RYK: variants seen among roughly 807,000 people sequenced by gnomAD.
The protein encoded by RYK is receptor like tyrosine kinase.
In RYK, 21 loss-of-function variants were observed where a neutral mutation model predicts 70.2. The observed-to-expected ratio is 0.30, with a 90% CI of 0.21 to 0.43. The LOEUF (loss-of-function observed/expected upper bound fraction) is 0.43. Among genes scored for constraint, RYK ranks in the 20% least tolerant of loss-of-function variants. RYK has a pLI of 1.00. For missense variants in RYK, 604 were observed against 753.3 expected (o/e 0.80, Z 2.32); for synonymous variants, 267 against 278.0 (o/e 0.96, Z 0.39).
intron 13 of RYK, among the ~76,000 whole-genome samples, chr3:134,161,426 G>A (rs1362223642): frequency 6.6e-6 from 1 of 152,114 alleles, no homozygotes; most frequent in African/African-American, 2.4e-5. Context: ...GATGATAGTA[G>A]CACATCCTCC....
At chr3:134,242,301 G>A (rs138800728) in intron 1 of RYK, among the ~76,000 whole-genome samples, 81 of 148,336 alleles carry the variant, frequency 5.5e-4, no homozygotes, top group Middle Eastern at 3.4e-3. Context: ...GCAAAACTCC[G>A]TCTCAAAAAA....
intron 1 of RYK, among the ~76,000 whole-genome samples, chr3:134,225,678 A>T (rs2014886060): frequency 6.6e-6 from 1 of 152,156 alleles, no homozygotes; most frequent in Admixed American, 6.5e-5. Flanking sequence ...ACACAGCAAC[A>T]ACCCATCTCT....
chr3:134,160,730 C>T (rs926660378), intron 13 of RYK, among the ~76,000 whole-genome samples: 3 of 152,174 alleles, frequency 2.0e-5, no homozygotes, highest in African/African-American at 7.2e-5. Flanking sequence ...TGGCGCATGC[C>T]TGTAATCCCA....
chr3:134,175,481 T>C (rs2013066105), intron 13 of RYK, 128 bp downstream of exon 13: 1 of 1,103,422 alleles, frequency 9.1e-7, no homozygotes, highest in Admixed American at 2.3e-5. Flanking sequence ...TACACTTGCT[T>C]TCTGGATAAA....
At chr3:134,208,410 A>T (rs376511834) in intron 4 of RYK, among the ~76,000 whole-genome samples, 1 of 152,222 alleles carries the variant, frequency 6.6e-6, no homozygotes, top group African/African-American at 2.4e-5. Context: ...CAATCTCCTT[A>T]TATCAAATAT....
In RYK at chr3:134,249,917, G is replaced by GTTTTTTTGTT. The variant is rs2015564368; in HGVS notation, c.232+505_232+506insAACAAAAAAA. On this transcript the variant is annotated intron_variant, in intron 1 of 14. Transcript: ENST00000623711. ...TATAACCTCCCCTTCTTTCTCTCTC[G>GTTTTTTTGTT]TTTTTTTTTTTTTTTTTTTTTTTTT... 4.9e-4 allele frequency among the ~76,000 whole-genome samples: 46 copies of GTTTTTTTGTT among 93,338 alleles called. 3 individuals carry two copies. The highest frequency in any genetic ancestry group is 2.3e-3 in the African/African-American group (43 of 18,906). The allele number at this position is 93,338 out of a possible 152,430, so 61.2% of individuals were successfully genotyped here.
In RYK at chr3:134,157,149, C is replaced by T. The variant is rs1005337499; in HGVS notation, c.*1004G>A. ...ATACTGTCATAATATAAAACAAATC[C>T]TTTAATTTTTCAAGTGTTTAAAAAA... On this transcript the variant is annotated 3_prime_UTR_variant, in exon 15 of 15. Transcript: ENST00000623711. 2 of 152,420 alleles carry T rather than the reference C, an allele frequency of 1.3e-5. No homozygotes were observed. Among genetic ancestry groups the T allele is most frequent in the African/African-American group, 4.8e-5 (2 of 41,400 alleles). 9.4% of individuals were successfully genotyped at this position (152,420 alleles called of 1,614,324 possible).
At chr3:134,223,372 T>C (rs1166870014) in intron 1 of RYK, among the ~76,000 whole-genome samples, 2 of 152,228 alleles carry the variant, frequency 1.3e-5, no homozygotes, top group African/African-American at 4.8e-5. Flanking sequence ...TATTTTTCTT[T>C]AAAACTTATT....
chr3:134,209,700 T>C lies in RYK; in HGVS notation c.584A>G (p.Tyr195Cys), dbSNP rs1227519319. The change falls in exon 4 of 15, where the codon TAC becomes TGC. Residue 195 changes from tyrosine (Y) to cysteine (C), a missense_variant. Tyr to Cys is a radical substitution (Grantham distance 194). Coordinates refer to ENST00000623711, the MANE Select transcript of RYK (RefSeq NM_002958.4). ...TTGGTAAATAAATTCCTTACTTTTG[T>C]AGCACATTTTCCTTCGTTTAAAATT... is the stretch of plus-strand genomic sequence containing the variant. Reference protein sequence around the residue: ...VLNFKRRKMCYKKLEEVKTSA... With the variant: ...VLNFKRRKMCCKKLEEVKTSA... The C allele has an allele frequency of 2.1e-6, 3 of 1,461,028 alleles. No individual in the cohort carries two copies. Among genetic ancestry groups the C allele is most frequent in the Non-Finnish European group, 2.7e-6 (3 of 1,098,536 alleles). 90.5% of individuals were successfully genotyped at this position (1,461,028 alleles called of 1,614,324 possible).
At position 134,250,548 on chromosome 3, in the gene RYK, A is replaced by C; in HGVS notation, c.107T>G (p.Leu36Trp). Residue 36 changes from leucine (L) to tryptophan (W), a missense_variant, in exon 1 of 15, where the codon TTG (leucine) becomes TGG (tryptophan). Leu to Trp is a moderately conservative substitution (Grantham distance 61). Around this residue, in one of 2 missense-constraint regions of RYK, gnomAD observed 466 missense variants for 535.9 expected, o/e 0.87. Transcript: ENST00000623711. ...PPPLLLLLAL[L>W]PLLPAPGAAA... is the part of the protein sequence containing the mutation. ...AGCGCCAGGCGCGGGCAGCAGCGGC[A>C]ACAGCGCAAGCAGAAGCAGCAGCGG... is the stretch of plus-strand genomic sequence containing the variant. The C allele has an allele frequency of 8.8e-7, 1 of 1,137,398 alleles. No individual in the cohort carries two copies. Among genetic ancestry groups the C allele is most frequent in the Non-Finnish European group, 1.1e-6 (1 of 910,642 alleles). 70.5% of individuals were successfully genotyped at this position (1,137,398 alleles called of 1,614,324 possible).
At chr3:134,221,923 T>C (rs551517726) in intron 2 of RYK, among the ~76,000 whole-genome samples, 1 of 152,286 alleles carries the variant, frequency 6.6e-6, no homozygotes, top group South Asian at 2.1e-4. Context: ...TCTTAAGTGA[T>C]TGGGTTTAGC....
rs1289475731 is a variant in RYK at position 134,176,012 on chromosome 3, T to C, written c.1333A>G (p.Met445Val). Residue 445 changes from methionine to valine, a missense_variant, in exon 12 of 15, where the codon ATG becomes GTG. Physicochemically the swap from Met to Val is conservative, Grantham distance 21. Around this residue, in one of 2 missense-constraint regions of RYK, gnomAD observed 138 missense variants for 217.4 expected, o/e 0.63. Transcript: ENST00000623711. ...ATTCCACAGGCAATCTGAATAGCCA[T>C]GTGTACCAGGTCTTGCTGAGAAATT... ...QAISQQDLVH[M>V]AIQIACGMSY... The C allele has an allele frequency of 6.9e-6, 11 of 1,604,442 alleles. No individual in the cohort carries two copies. The highest frequency in any genetic ancestry group is 2.2e-5 in the East Asian group (1 of 44,736).
intron 2 of RYK, among the ~76,000 whole-genome samples, chr3:134,217,687 G>A (rs1161545260): frequency 2.0e-5 from 3 of 152,110 alleles, no homozygotes; most frequent in South Asian, 2.1e-4. Context: ...ATATACACAC[G>A]AACTATTTCC....
Position 134,235,257 on chromosome 3 carries a change from T to C in RYK, c.233-12718A>G, listed in dbSNP as rs74323261. ...GAAAAAACAAGAACATGAAAAAAAA[T>C]TGAAAATACATTCATCAAAAATTGT... On this transcript the variant is annotated intron_variant, in intron 1 of 14. Coordinates refer to ENST00000623711, the MANE Select transcript of RYK (RefSeq NM_002958.4). Among the ~76,000 whole-genome samples, 269 of 152,206 alleles carry C rather than the reference T, an allele frequency of 1.8e-3. 1 individual carries two copies. Among genetic ancestry groups the C allele is most frequent in the African/African-American group, 6.0e-3 (249 of 41,554 alleles).
chr3:134,195,757 G>A (rs576174552), intron 6 of RYK, among the ~76,000 whole-genome samples: 3 of 152,290 alleles, frequency 2.0e-5, no homozygotes, highest in African/African-American at 4.8e-5. Context: ...CACCAGTATG[G>A]CCTACATGGT....
chr3:134,163,562 A>G (rs77172604), intron 13 of RYK, among the ~76,000 whole-genome samples: 13,857 of 152,244 alleles, frequency 0.091, 1,274 homozygotes, highest in South Asian at 0.32. Context: ...CCACTAAAAC[A>G]TATATGAATG....
At chr3:134,169,667 T>C (rs550172062) in intron 13 of RYK, among the ~76,000 whole-genome samples, 1 of 152,352 alleles carries the variant, frequency 6.6e-6, no homozygotes, top group African/African-American at 2.4e-5. Context: ...TGTATTATTT[T>C]CATGATGGAA....
intron 2 of RYK, among the ~76,000 whole-genome samples, chr3:134,219,270 C>T (rs933521414): frequency 9.2e-5 from 14 of 152,170 alleles, no homozygotes; most frequent in Non-Finnish European, 1.8e-4. Context: ...GCTCCTAAGA[C>T]TCAGACACCC....
At chr3:134,198,698 G>C (rs560638356) in intron 6 of RYK, among the ~76,000 whole-genome samples, 7 of 152,334 alleles carry the variant, frequency 4.6e-5, no homozygotes, top group African/African-American at 1.7e-4. Context: ...AAACCAGACA[G>C]AATGGTCATT....
Sources: gnomAD v4.1 joint callset for allele counts (sites outside exome capture counted in the v4.1 genomes callset) on GRCh38, gnomAD v4.1.1 for gene constraint, gnomAD v4.1.1 regional missense constraint, MANE v1.5 for transcripts, NCBI Gene and HGNC (gene_info 2026-07-23, HGNC 2026-07-21) for gene names.